The following MGAT1 variants were observed in gnomAD, a reference collection of about 807,000 sequenced individuals.
MGAT1 encodes alpha-1,3-mannosyl-glycoprotein 2-beta-N-acetylglucosaminyltransferase, also known as N-glycosyl-oligosaccharide-glycoprotein N-acetylglucosaminyltransferase I.
MGAT1 carries 14 observed loss-of-function variants against 31.7 expected under a neutral mutation model. The ratio of observed to expected loss-of-function variants is 0.44; its 90% confidence interval spans 0.29 to 0.69. MGAT1 has a LOEUF of 0.69. Among genes scored for constraint, MGAT1 ranks in the 30% least tolerant of loss-of-function variants. The pLI is 0.12. For synonymous variants in MGAT1, 338 were observed against 276.0 expected, an observed-to-expected ratio of 1.22 and a Z score of -2.23; for missense variants, 557 against 626.0, an observed-to-expected ratio of 0.89 and a Z score of 1.18.
At chr5:180,811,861 C>T (rs554085712) in intron 1 of MGAT1, among the ~76,000 whole-genome samples, 72 of 152,344 alleles carry the variant, frequency 4.7e-4, no homozygotes, top group Admixed American at 4.1e-3. Flanking sequence ...CTGCATTGGC[C>T]TCTGCACCGG....
chr5:180,809,259 C>T (rs988715414), intron 1 of MGAT1: 1 of 152,168 alleles, frequency 6.6e-6, no homozygotes, highest in African/African-American at 2.4e-5. Flanking sequence ...CACGCCAGAA[C>T]ACAGTCACCT....
chr5:180,798,988 C>T (rs905742982), intron 1 of MGAT1, among the ~76,000 whole-genome samples: 4 of 152,226 alleles, frequency 2.6e-5, no homozygotes, highest in African/African-American at 7.2e-5. Flanking sequence ...CTCATTCCTT[C>T]GTAGGAAACA....
intron 1 of MGAT1, chr5:180,795,691 C>G (rs1192393549): frequency 6.6e-6 from 1 of 152,210 alleles, no homozygotes; most frequent in African/African-American, 2.4e-5. Context: ...AAGTTTGAAG[C>G]TATTTCCACA....
At chr5:180,805,182 T>C (rs1581905363), upstream of MGAT1, among the ~76,000 whole-genome samples, 3 of 150,700 alleles carry the variant, frequency 2.0e-5, no homozygotes, top group East Asian at 5.9e-4. Flanking sequence ...GGGATTGGAT[T>C]ATGTGCAAAA....
intron 1 of MGAT1, chr5:180,810,287 C>T (rs573982087): frequency 2.0e-5 from 3 of 152,402 alleles, no homozygotes; most frequent in Non-Finnish European, 4.4e-5. Flanking sequence ...CGTCCCCAGC[C>T]CGTCACCACC....
chr5:180,792,325 G>C lies in MGAT1; in HGVS notation c.647C>G (p.Pro216Arg), dbSNP rs1246418968. 1.2e-6 allele frequency: 2 copies of C among 1,610,584 alleles called. No homozygotes were observed. The highest frequency in any genetic ancestry group is 1.7e-6 in the Non-Finnish European group (2 of 1,178,038). ...GGCCCGAAAGTACTCGAAGAAGTCCGGGGCCACCTCCAGGTCATCCTCCAC... is the reference window on the plus strand; with the variant it reads ...GGCCCGAAAGTACTCGAAGAAGTCCCGGGCCACCTCCAGGTCATCCTCCAC... ...VVVEDDLEVA[P>R]DFFEYFRATY... The change falls in exon 2 of 2, where the codon CCG becomes CGG. Residue 216 changes from proline to arginine, a missense_variant. Around this residue, in one of 3 missense-constraint regions of MGAT1, gnomAD observed 245 missense variants for 332.9 expected, o/e 0.74. Transcript: ENST00000307826.
intron 1 of MGAT1, chr5:180,795,400 A>C (rs187724837): frequency 6.6e-6 from 1 of 152,280 alleles, no homozygotes; most frequent in East Asian, 1.9e-4. Context: ...ACCTCAAAAA[A>C]CTTTTTTTAA....
chr5:180,803,216 C>T (rs986040297), upstream of MGAT1: 2 of 152,664 alleles, frequency 1.3e-5, no homozygotes, highest in African/African-American at 2.4e-5. Context: ...GCTGAGGAGC[C>T]CGGGTGGGAG....
Position 180,786,288 on chromosome 5 carries a change from T to A in MGAT1, c.*5346A>T, listed in dbSNP as rs1249951186. On this transcript the variant is annotated 3_prime_UTR_variant, in exon 2 of 2. Transcript: ENST00000307826. Reference sequence around the variant, plus strand: ...AGGACAGGTTTCTCAAACAACCCACTAGGGTTAGGGGCCCGCAGGTTTCAT... The same window carrying A: ...AGGACAGGTTTCTCAAACAACCCACAAGGGTTAGGGGCCCGCAGGTTTCAT... The A allele has an allele frequency of 6.6e-6, 1 of 152,176 alleles. No individual in the cohort carries two copies. Among genetic ancestry groups the A allele is most frequent in the Non-Finnish European group, 1.5e-5 (1 of 68,064 alleles). The allele number at this position is 152,176 out of a possible 1,614,324, so 9.4% of individuals were successfully genotyped here.
upstream of MGAT1, among the ~76,000 whole-genome samples, chr5:180,807,237 G>A (rs573972501): frequency 3.3e-5 from 5 of 152,216 alleles, 1 homozygote; most frequent in African/African-American, 1.2e-4. Context: ...CTGAGCTAGG[G>A]AGAGGCAGAG....
At position 180,788,499 on chromosome 5, in the gene MGAT1, GCA is replaced by G. The variant is rs1431862101; in HGVS notation, c.*3133_*3134del. 6.6e-6 allele frequency: 1 copy of G among 152,374 alleles called. No homozygotes were observed. Among genetic ancestry groups the G allele is most frequent in the African/African-American group, 2.4e-5 (1 of 41,476 alleles). The allele number at this position is 152,374 out of a possible 1,614,324, so 9.4% of individuals were successfully genotyped here. ...GTCCAGCCTCACACAGTGGCTAACAGCACAGAGTTCATTCCAATCCGGCTCTC... is the reference window on the plus strand; with the variant it reads ...GTCCAGCCTCACACAGTGGCTAACAGCAGAGTTCATTCCAATCCGGCTCTC... On this transcript the variant is annotated 3_prime_UTR_variant, in exon 2 of 2. Coordinates refer to ENST00000307826, the MANE Select transcript of MGAT1 (RefSeq NM_002406.4).
At chr5:180,808,285 C>T (rs1772121482) in intron 2 of MGAT1, among the ~76,000 whole-genome samples, 1 of 152,324 alleles carries the variant, frequency 6.6e-6, no homozygotes, top group Non-Finnish European at 1.5e-5. Context: ...CTGCCTCTGC[C>T]TAGGTAATCC....
At chr5:180,805,455 G>A (rs1417577217), upstream of MGAT1, among the ~76,000 whole-genome samples, 1 of 152,232 alleles carries the variant, frequency 6.6e-6, no homozygotes, top group Non-Finnish European at 1.5e-5. Context: ...GAAAACATCA[G>A]TAAAAGTAAA....
intron 1 of MGAT1, among the ~76,000 whole-genome samples, chr5:180,812,244 G>C (rs1393047420): frequency 1.3e-5 from 2 of 152,242 alleles, no homozygotes; most frequent in Non-Finnish European, 1.5e-5. Flanking sequence ...AACTTGAAAA[G>C]CTACTTTCAC....
At chr5:180,799,673 A>C (rs655601) in intron 1 of MGAT1, among the ~76,000 whole-genome samples, 37,186 of 152,132 alleles carry the variant, frequency 0.24, 7,539 homozygotes, top group African/African-American at 0.56. Flanking sequence ...GCAGCAAGAG[A>C]GTGAAGTGTG....
chr5:180,792,218 C>A lies in MGAT1; in HGVS notation c.754G>T (p.Ala252Ser), dbSNP rs145189550. ...CGGTAGAGCAGCTCAGGCCTGCTGGCGTCCACCATCTGCTCCTTGCCGTTG... is the reference window on the plus strand; with the variant it reads ...CGGTAGAGCAGCTCAGGCCTGCTGGAGTCCACCATCTGCTCCTTGCCGTTG... ...NDNGKEQMVD[A>S]SRPELLYRTD... is the part of the protein sequence containing the mutation. Residue 252 changes from alanine (A) to serine (S), a missense_variant, in exon 2 of 2, where the codon GCC (alanine) becomes TCC (serine). Physicochemically the swap from Ala to Ser is moderately conservative, Grantham distance 99. Around this residue, in one of 3 missense-constraint regions of MGAT1, gnomAD observed 245 missense variants for 332.9 expected, o/e 0.74. Transcript: ENST00000307826. 1 of 1,613,124 alleles carries A rather than the reference C, an allele frequency of 6.2e-7. No homozygotes were observed. The highest frequency in any genetic ancestry group is 8.5e-7 in the Non-Finnish European group (1 of 1,180,008).
chr5:180,792,848 C>T lies in MGAT1; in HGVS notation c.124G>A (p.Ala42Thr), dbSNP rs767833331. ...AGGCTGGCGGGGTCGCCATCGAGAG[C>T]GCTGACTGAGGGTGGCCTGCCAGGT... is the stretch of plus-strand genomic sequence containing the variant. Reference protein sequence around the residue: ...PAPGRPPSVSALDGDPASLTR... With the variant: ...PAPGRPPSVSTLDGDPASLTR... Residue 42 changes from alanine (A) to threonine (T), a missense_variant, in exon 2 of 2, where the codon GCT becomes ACT. Physicochemically the swap from Ala to Thr is moderately conservative, Grantham distance 58 (BLOSUM62 0). Coordinates refer to ENST00000307826, the MANE Select transcript of MGAT1 (RefSeq NM_002406.4). The T allele has an allele frequency of 3.8e-6, 6 of 1,568,704 alleles. No individual in the cohort carries two copies. Among genetic ancestry groups the T allele is most frequent in the Admixed American group, 1.9e-5 (1 of 52,670 alleles).
chr5:180,786,766 C>T lies in MGAT1; in HGVS notation c.*4868G>A, dbSNP rs571959580. ...TGGGCCCTGACGGTGGAGGAACCCCCACACCAGCCTGCACCATCGACCTCT... is the reference window on the plus strand; with the variant it reads ...TGGGCCCTGACGGTGGAGGAACCCCTACACCAGCCTGCACCATCGACCTCT... On this transcript the variant is annotated 3_prime_UTR_variant, in exon 2 of 2. Coordinates refer to ENST00000307826, the MANE Select transcript of MGAT1 (RefSeq NM_002406.4). 0.012 allele frequency: 1,847 copies of T among 152,584 alleles called. 7 individuals carry two copies. The highest frequency in any genetic ancestry group is 0.017 in the Non-Finnish European group (1,157 of 68,266). The allele number at this position is 152,584 out of a possible 1,614,324, so 9.5% of individuals were successfully genotyped here.
rs79023017 is a variant in MGAT1, at chr5:180,788,900, T to C, written c.*2734A>G. The C allele has an allele frequency of 5.3e-5, 8 of 152,372 alleles. No individual in the cohort carries two copies. The East Asian group carries it at 1.5e-3, about 29-fold the overall frequency. 9.4% of individuals were successfully genotyped at this position (152,372 alleles called of 1,614,324 possible). A position where few individuals can be genotyped will look rare whatever the true frequency, so the allele number is the denominator to read the frequency against. On this transcript the variant is annotated 3_prime_UTR_variant, in exon 2 of 2. Coordinates refer to ENST00000307826, the MANE Select transcript of MGAT1 (RefSeq NM_002406.4). Reference sequence around the variant, plus strand: ...ACTTATCCTGGAGCACTCAGAACAATGCACTTGGCTAGCTGCATGACATGC... The same window carrying C: ...ACTTATCCTGGAGCACTCAGAACAACGCACTTGGCTAGCTGCATGACATGC...
Sources: gnomAD v4.1 joint callset for allele counts (sites outside exome capture counted in the v4.1 genomes callset) on GRCh38, gnomAD v4.1.1 for gene constraint, gnomAD v4.1.1 regional missense constraint, MANE v1.5 for transcripts, NCBI Gene and HGNC (gene_info 2026-07-23, HGNC 2026-07-21) for gene names.